DIP2C: variants seen among roughly 807,000 people sequenced by gnomAD.
The protein encoded by DIP2C is DIP2 acetate--CoA ligase C (putative).
DIP2C carries 33 observed loss-of-function variants against 192.4 expected under a neutral mutation model. The ratio of observed to expected loss-of-function variants is 0.17; its 90% confidence interval spans 0.13 to 0.23. The LOEUF (loss-of-function observed/expected upper bound fraction) is 0.23. DIP2C is among the 10% of genes least tolerant of loss of function. DIP2C has a pLI of 1.00. For missense variants in DIP2C, 1,537 were observed against 2,110.1 expected (o/e 0.73, Z 5.32); for synonymous variants, 979 against 864.1 (o/e 1.13, Z -2.33).
At chr10:368,668 T>C (rs1960592414) in intron 18 of DIP2C, among the ~76,000 whole-genome samples, 1 of 152,128 alleles carries the variant, frequency 6.6e-6, no homozygotes, top group African/African-American at 2.4e-5. Flanking sequence ...GGGGCGAGGG[T>C]CCCTGCTGAG....
At chr10:297,315 A>G (rs1687048010) in intron 32 of DIP2C, among the ~76,000 whole-genome samples, 1 of 145,134 alleles carries the variant, frequency 6.9e-6, no homozygotes, top group Admixed American at 7.1e-5. Flanking sequence ...CAACAATCCC[A>G]CTACTGGGCG....
intron 3 of DIP2C, among the ~76,000 whole-genome samples, chr10:461,774 T>A (rs1380039747): frequency 2.6e-5 from 4 of 152,160 alleles, no homozygotes; most frequent in African/African-American, 9.7e-5. Context: ...ACTGACCACA[T>A]AATTGGAAGT....
intron 10 of DIP2C, among the ~76,000 whole-genome samples, chr10:394,657 A>G (rs1023849036): frequency 2.7e-5 from 4 of 149,288 alleles, no homozygotes; most frequent in African/African-American, 1.0e-4. Context: ...AGTGGGCGCT[A>G]TTCAGCCTTC....
At chr10:534,267 A>G (rs1311594012) in intron 1 of DIP2C, among the ~76,000 whole-genome samples, 2 of 152,134 alleles carry the variant, frequency 1.3e-5, no homozygotes, top group African/African-American at 4.8e-5. Context: ...TGCAACTCTC[A>G]CTTCATCCCC....
chr10:581,319 A>G (rs1588514345), intron 1 of DIP2C, among the ~76,000 whole-genome samples: 1 of 152,244 alleles, frequency 6.6e-6, no homozygotes, highest in Non-Finnish European at 1.5e-5. Flanking sequence ...AGAGATGGCA[A>G]GTATGATGGT....
At chr10:576,435 C>T (rs1850163093) in intron 1 of DIP2C, among the ~76,000 whole-genome samples, 1 of 152,338 alleles carries the variant, frequency 6.6e-6, no homozygotes, top group South Asian at 2.1e-4. Flanking sequence ...GCCCACAAGT[C>T]CCGTATCTAA....
chr10:357,774 G>T, intron 23 of DIP2C, 54 bp downstream of exon 23: 2 of 1,390,584 alleles, frequency 1.4e-6, no homozygotes, highest in South Asian at 1.2e-5. Flanking sequence ...AGATGGTCGG[G>T]GACAGTCGGA....
intron 10 of DIP2C, among the ~76,000 whole-genome samples, chr10:393,633 G>C (rs1296690492): frequency 6.6e-6 from 1 of 152,054 alleles, no homozygotes; most frequent in African/African-American, 2.4e-5. Flanking sequence ...ATAAAGATTA[G>C]CCAGGTGCCA....
intron 1 of DIP2C, among the ~76,000 whole-genome samples, chr10:550,883 G>C (rs1488895250): frequency 6.6e-6 from 1 of 152,242 alleles, no homozygotes; most frequent in Non-Finnish European, 1.5e-5. Context: ...AGCACAGCCA[G>C]TCAGGCCTGC....
At chr10:542,100 C>G (rs1419687662) in intron 1 of DIP2C, among the ~76,000 whole-genome samples, 1 of 152,180 alleles carries the variant, frequency 6.6e-6, no homozygotes, top group Non-Finnish European at 1.5e-5. Flanking sequence ...CCCAGAAGAC[C>G]CCTCACCAAC....
intron 5 of DIP2C, among the ~76,000 whole-genome samples, chr10:420,254 A>AGATC (rs1966091188): frequency 2.0e-5 from 3 of 152,252 alleles, no homozygotes; most frequent in Non-Finnish European, 4.4e-5. Context: ...GAGGCACAGA[A>AGATC]GAGGCCGTGA....
At chr10:643,589 G>T (rs1177675694) in intron 1 of DIP2C, among the ~76,000 whole-genome samples, 1 of 152,180 alleles carries the variant, frequency 6.6e-6, no homozygotes, top group Non-Finnish European at 1.5e-5. Context: ...CACCTGTGCT[G>T]TGCCACCCAG....
At chr10:510,917 G>A (rs538481635) in intron 1 of DIP2C, among the ~76,000 whole-genome samples, 4 of 152,256 alleles carry the variant, frequency 2.6e-5, no homozygotes, top group East Asian at 1.9e-4. Context: ...TTAGTCATAC[G>A]GGGGCACAAA....
chr10:336,354 T>C (rs1160099467), intron 29 of DIP2C, among the ~76,000 whole-genome samples: 3 of 152,114 alleles, frequency 2.0e-5, no homozygotes, highest in South Asian at 2.1e-4. Flanking sequence ...CCACGTTACT[T>C]GTGTTGGTGG....
intron 1 of DIP2C, among the ~76,000 whole-genome samples, chr10:556,574 T>C (rs1848885872): frequency 6.6e-6 from 1 of 151,018 alleles, no homozygotes; most frequent in Non-Finnish European, 1.5e-5. Flanking sequence ...ACAGACCCAG[T>C]CACTCCAACG....
intron 1 of DIP2C, among the ~76,000 whole-genome samples, chr10:601,668 C>A (rs571319031): frequency 6.6e-6 from 1 of 152,196 alleles, no homozygotes; most frequent in Non-Finnish European, 1.5e-5. Context: ...AACTGCACCA[C>A]GAAGGACCAT....
intron 1 of DIP2C, among the ~76,000 whole-genome samples, chr10:497,405 C>A (rs1032372938): frequency 6.6e-6 from 1 of 152,198 alleles, no homozygotes; most frequent in Non-Finnish European, 1.5e-5. Context: ...CCTCCCACAC[C>A]CCTCATTACT....
intron 1 of DIP2C, among the ~76,000 whole-genome samples, chr10:611,534 T>C (rs1853099865): frequency 6.6e-6 from 1 of 152,190 alleles, no homozygotes; most frequent in Admixed American, 6.5e-5. Flanking sequence ...CCTATTTGTC[T>C]CTTACCACCT....
chr10:295,528 T>C (rs1955708389), intron 32 of DIP2C, among the ~76,000 whole-genome samples: 1 of 105,304 alleles, frequency 9.5e-6, no homozygotes, highest in Non-Finnish European at 1.8e-5. Context: ...GCCACTGCAG[T>C]CCCACCTGGG....
Sources: gnomAD v4.1 joint callset for allele counts (sites outside exome capture counted in the v4.1 genomes callset) on GRCh38, gnomAD v4.1.1 for gene constraint, MANE v1.5 for transcripts, NCBI Gene and HGNC (gene_info 2026-07-23, HGNC 2026-07-21) for gene names.